The following KCNMA1 variants were observed in gnomAD, a reference collection of about 807,000 sequenced individuals.
KCNMA1 encodes the protein Calcium-activated potassium channel subunit alpha-1.
Under a neutral mutation model 140.0 loss-of-function variants are expected in KCNMA1, and 29 were observed. The observed-to-expected ratio is 0.21, with a 90% CI of 0.15 to 0.28. The LOEUF (loss-of-function observed/expected upper bound fraction) is 0.28. Ranked by LOEUF, KCNMA1 falls within the 10% of genes least tolerant of loss-of-function variation. KCNMA1 has a pLI of 1.00. For synonymous variants in KCNMA1, 612 were observed against 611.9 expected (o/e 1.00, Z 0.00); for missense variants, 880 against 1,602.2 (o/e 0.55, Z 7.70).
At chr10:77,258,733 C>T (rs747815109) in intron 2 of KCNMA1, among the ~76,000 whole-genome samples, 10 of 152,032 alleles carry the variant, frequency 6.6e-5, no homozygotes, top group South Asian at 4.2e-4. Flanking sequence ...GAGGCTGAGG[C>T]GGGTGGATTA....
At chr10:77,396,186 A>T (rs1237353014) in intron 2 of KCNMA1, among the ~76,000 whole-genome samples, 1 of 152,226 alleles carries the variant, frequency 6.6e-6, no homozygotes, top group East Asian at 1.9e-4. Context: ...TCACTATGGG[A>T]CATTCTTACT....
At chr10:77,472,030 A>ATGACACATATTCACATACATG (rs2098169826) in intron 1 of KCNMA1, among the ~76,000 whole-genome samples, 1 of 147,704 alleles carries the variant, frequency 6.8e-6, no homozygotes, top group Admixed American at 6.8e-5. Context: ...CACCACACAC[A>ATGACACATATTCACATACATG]TGACACATAT....
At chr10:77,051,929 T>C (rs148599606) in intron 14 of KCNMA1, among the ~76,000 whole-genome samples, 2 of 152,346 alleles carry the variant, frequency 1.3e-5, no homozygotes, top group East Asian at 3.9e-4. Context: ...GATGAGCATG[T>C]GTTCTAACCA....
chr10:77,386,956 C>T (rs961185501), intron 2 of KCNMA1, among the ~76,000 whole-genome samples: 11 of 152,142 alleles, frequency 7.2e-5, no homozygotes, highest in African/African-American at 2.2e-4. Context: ...CGCATCAACC[C>T]CCACCAAAAG....
intron 21 of KCNMA1, among the ~76,000 whole-genome samples, chr10:76,953,330 T>A (rs1379819821): frequency 6.6e-6 from 1 of 152,184 alleles, no homozygotes; most frequent in Non-Finnish European, 1.5e-5. Flanking sequence ...TTAATAATAG[T>A]AAGAATAAGA....
downstream of KCNMA1, chr10:76,872,768 G>C (rs2031603535): frequency 6.6e-6 from 1 of 152,152 alleles, no homozygotes; most frequent in African/African-American, 2.4e-5. Context: ...CTGCATTCTT[G>C]CCAGCCTACG....
At chr10:77,426,524 G>C (rs2096997900) in intron 1 of KCNMA1, among the ~76,000 whole-genome samples, 1 of 152,226 alleles carries the variant, frequency 6.6e-6, no homozygotes, top group Admixed American at 6.5e-5. Context: ...AATCCAGACA[G>C]TCTGCGCTAG....
intron 1 of KCNMA1, chr10:77,637,022 G>A (rs1318606425): frequency 1.4e-6 from 2 of 1,415,424 alleles, no homozygotes; most frequent in Non-Finnish European, 9.2e-7. Flanking sequence ...ATAAACAAGA[G>A]GACAGGATTG....
chr10:77,461,096 A>T (rs772269308), intron 1 of KCNMA1, among the ~76,000 whole-genome samples: 10 of 152,164 alleles, frequency 6.6e-5, no homozygotes, highest in Non-Finnish European at 1.0e-4. Context: ...ACAAGAGTGA[A>T]ACTCTGTCTC....
rs201610445 is a variant in KCNMA1, at chr10:76,886,544, G to T, written c.*722C>A. The T allele has an allele frequency of 1.2e-5, 12 of 985,328 alleles. No homozygotes were observed. The highest frequency in any genetic ancestry group is 1.4e-5 in the Non-Finnish European group (12 of 830,010). 61.0% of individuals were successfully genotyped at this position (985,328 alleles called of 1,614,324 possible). A position where few individuals can be genotyped will look rare whatever the true frequency, so the allele number is the denominator to read the frequency against. On this transcript the variant is annotated 3_prime_UTR_variant, in exon 28 of 28. Coordinates refer to ENST00000286628, the MANE Select transcript of KCNMA1 (RefSeq NM_001161352.2). ...AATGACTAGAATTTGATACATCCAT[G>T]ATTGGAATACTATTCTCTCCTCCAT... is the stretch of plus-strand genomic sequence containing the variant.
intron 3 of KCNMA1, among the ~76,000 whole-genome samples, chr10:77,242,156 A>T (rs2057434576): frequency 6.6e-6 from 1 of 152,208 alleles, no homozygotes; most frequent in Admixed American, 6.5e-5. Context: ...TTTCAAAAAG[A>T]TGGAGTGGAT....
In KCNMA1 at chr10:76,933,216, C is replaced by T. The variant is rs116352270; in HGVS notation, c.2902+11557G>A. The stretch of plus-strand genomic sequence containing the variant: ...GGCTGCTTTATCTCATTTGAGGGCA[C>T]GTTAAGAGAGAACAGGCTGCAAACA... On this transcript the variant is annotated intron_variant, in intron 23 of 27. Coordinates refer to ENST00000286628, the MANE Select transcript of KCNMA1 (RefSeq NM_001161352.2). Among the ~76,000 whole-genome samples the T allele has an allele frequency of 2.4e-3, 361 of 152,214 alleles. 2 individuals are homozygous for T. The highest frequency in any genetic ancestry group is 8.1e-3 in the African/African-American group (338 of 41,526).
At chr10:77,402,608 A>G (rs965578900) in intron 2 of KCNMA1, among the ~76,000 whole-genome samples, 2 of 152,126 alleles carry the variant, frequency 1.3e-5, no homozygotes, top group Non-Finnish European at 2.9e-5. Flanking sequence ...ACTCCTTCCC[A>G]CAAAAGTGTG....
At chr10:77,242,324 G>A (rs575388776) in intron 3 of KCNMA1, among the ~76,000 whole-genome samples, 1 of 152,300 alleles carries the variant, frequency 6.6e-6, no homozygotes, top group Admixed American at 6.5e-5. Flanking sequence ...CTCAGTAGCT[G>A]ATTTCAAGGC....
At chr10:77,101,504 C>T (rs1056268765) in intron 9 of KCNMA1, among the ~76,000 whole-genome samples, 1 of 152,166 alleles carries the variant, frequency 6.6e-6, no homozygotes, top group East Asian at 1.9e-4. Flanking sequence ...TTCCTTCTGA[C>T]TAGAATCGCT....
At chr10:77,219,567 C>A (rs1174874133) in intron 3 of KCNMA1, among the ~76,000 whole-genome samples, 1 of 152,080 alleles carries the variant, frequency 6.6e-6, no homozygotes, top group Non-Finnish European at 1.5e-5. Flanking sequence ...AAGTCTCCAC[C>A]CACCATATGA....
At chr10:76,970,100 C>T (rs2075584506) in intron 19 of KCNMA1, 33 bp from the exon 20 acceptor site, 2 of 1,555,980 alleles carry the variant, frequency 1.3e-6, no homozygotes, top group Non-Finnish European at 1.8e-6. Flanking sequence ...AGATTATGAA[C>T]AGTTTGAGGG....
At chr10:77,474,706 A>G (rs1340008350) in intron 1 of KCNMA1, among the ~76,000 whole-genome samples, 2 of 151,884 alleles carry the variant, frequency 1.3e-5, no homozygotes, top group Non-Finnish European at 2.9e-5. Context: ...CTTCTCTGTC[A>G]TTGTATATGA....
chr10:77,617,789 G>C (rs956881768), intron 1 of KCNMA1, among the ~76,000 whole-genome samples: 1 of 152,196 alleles, frequency 6.6e-6, no homozygotes, highest in Non-Finnish European at 1.5e-5. Context: ...CACCATGTCT[G>C]ACACCTAGCA....
Sources: allele counts gnomAD v4.1 joint callset (sites outside exome capture counted in the v4.1 genomes callset), GRCh38; gene constraint gnomAD v4.1.1; transcripts MANE v1.5; gene names NCBI Gene and HGNC (gene_info 2026-07-23, HGNC 2026-07-21).